Variants in SEMA5B observed in about 807,000 individuals in gnomAD.
The protein encoded by SEMA5B is semaphorin-5B.
SEMA5B carries 66 observed loss-of-function variants against 135.0 expected under a neutral mutation model. That is an observed-to-expected ratio of 0.49 (90% CI 0.40 to 0.60). The LOEUF is 0.60. Ranked by LOEUF, SEMA5B falls within the 20% of genes least tolerant of loss-of-function variation. SEMA5B has a pLI of 0.00. For synonymous variants in SEMA5B, 690 were observed against 639.5 expected, an observed-to-expected ratio of 1.08 and a Z score of -1.19; for missense variants, 1,501 against 1,566.3, an observed-to-expected ratio of 0.96 and a Z score of 0.70.
In SEMA5B at chr3:122,923,602, G is replaced by C; in HGVS notation, c.1272+15C>G. On this transcript the variant is annotated intron_variant, in intron 10 of 22. Coordinates refer to ENST00000357599, the MANE Select transcript of SEMA5B (RefSeq NM_001031702.4). The stretch of plus-strand genomic sequence containing the variant: ...GCAGTGTGTGAAGACAGGGAAAGAG[G>C]AGGAGATTCTGTACCTGGAAATTGG... 1 of 1,613,894 alleles carries C rather than the reference G, an allele frequency of 6.2e-7. No individual in the cohort carries two copies. Among genetic ancestry groups the C allele is most frequent in the Non-Finnish European group, 8.5e-7 (1 of 1,179,900 alleles).
intron 1 of SEMA5B, among the ~76,000 whole-genome samples, chr3:123,026,709 T>A (rs1028002331): frequency 1.3e-5 from 2 of 152,164 alleles, no homozygotes; most frequent in Admixed American, 1.3e-4. Context: ...CCGCAGGACG[T>A]GAGCGGAAAG....
intron 2 of SEMA5B, among the ~76,000 whole-genome samples, chr3:122,952,297 A>T (rs145160604): frequency 6.6e-6 from 1 of 152,196 alleles, no homozygotes; most frequent in East Asian, 1.9e-4. Flanking sequence ...CCATCCTTGG[A>T]GCCCACCAAC....
rs763518104 is a variant in SEMA5B at position 122,910,103 on chromosome 3, C to T, written c.*40G>A. The T allele has an allele frequency of 3.1e-6, 5 of 1,603,690 alleles. No individual in the cohort carries two copies. The African/African-American group carries it at 6.7e-5, about 21-fold the overall frequency. On this transcript the variant is annotated 3_prime_UTR_variant, in exon 23 of 23. Transcript: ENST00000357599. The stretch of plus-strand genomic sequence containing the variant: ...TGTCCCATCTCCATCTGCTCTGTGC[C>T]TTATGAAGGCAAGAAGCCCAAGTCC...
chr3:122,916,005 A>G (rs1226203193), intron 12 of SEMA5B, 115 bp from the exon 13 acceptor site: 2 of 744,632 alleles, frequency 2.7e-6, no homozygotes, highest in African/African-American at 1.7e-5. Flanking sequence ...TTTGTCCTCC[A>G]TGATAATAAT....
chr3:122,981,291 GCC>G (rs60805163), intron 1 of SEMA5B, among the ~76,000 whole-genome samples: 4 of 151,848 alleles, frequency 2.6e-5, no homozygotes, highest in Admixed American at 2.6e-4. Context: ...CTTGTGTTGG[GCC>G]CCTGTGCCAC....
chr3:122,913,474 GCCCTCCCCTCGGCTCCAGTA>G (rs1560281718), intron 16 of SEMA5B, 40 bp downstream of exon 16: 6 of 1,566,842 alleles, frequency 3.8e-6, no homozygotes, highest in Non-Finnish European at 5.2e-6. Flanking sequence ...CTCCAGGCCC[GCCCTCCCCTCGGCTCCAGTA>G]CCCTACACCG....
chr3:123,026,844 C>A (rs757564916), intron 1 of SEMA5B, among the ~76,000 whole-genome samples: 1 of 152,250 alleles, frequency 6.6e-6, no homozygotes, highest in Non-Finnish European at 1.5e-5. Flanking sequence ...AGTGCGGGGC[C>A]CTGAGCCACT....
Position 122,913,297 on chromosome 3 carries a change from C to T in SEMA5B, c.2408G>A (p.Arg803His). 1 of 1,580,022 alleles carries T rather than the reference C, an allele frequency of 6.3e-7. No homozygotes were observed. Among genetic ancestry groups the T allele is most frequent in the South Asian group, 1.1e-5 (1 of 88,030 alleles). ...RQEQRFRFTC[R>H]APLADPHGLQ... ...GCCGTGCGGGTCTGCAAGGGGCGCG[C>T]GGCAGGTGAAGCGGAACCGCTGCTC... The change falls in exon 17 of 23, where the codon CGC (arginine) becomes CAC (histidine). Residue 803 changes from arginine (R) to histidine (H), a missense_variant. Arg to His is a conservative substitution (Grantham distance 29, BLOSUM62 0). Coordinates refer to ENST00000357599, the MANE Select transcript of SEMA5B (RefSeq NM_001031702.4).
rs189512394 is a variant in SEMA5B, at chr3:122,977,579, C to A, written c.-38-16278G>T. On this transcript the variant is annotated intron_variant, in intron 1 of 22. Transcript: ENST00000357599. ...CAACAGGGACTACAGCTCTACCTAG[C>A]CAGCCTCTCATGCTCCTAGGATTTA... Among the ~76,000 whole-genome samples, 402 of 152,310 alleles carry A rather than the reference C, an allele frequency of 2.6e-3. 2 individuals are homozygous for A. The highest frequency in any genetic ancestry group is 9.3e-3 in the African/African-American group (387 of 41,552).
At position 122,923,662 on chromosome 3, in the gene SEMA5B, G is replaced by A; in HGVS notation, c.1227C>T (p.Pro409=). The change falls in exon 10 of 23, where the codon CCC becomes CCT. Residue 409 remains proline, a synonymous_variant. Coordinates refer to ENST00000357599, the MANE Select transcript of SEMA5B (RefSeq NM_001031702.4). ...FNGPFRYQEN[P]RAAWLPIANP... ...TGGCTATGGGGAGCCAGGCAGCCCT[G>A]GGGTTCTCCTGGTAGCGAAATGGGC... 1.9e-6 allele frequency: 3 copies of A among 1,614,086 alleles called. No individual in the cohort carries two copies. The highest frequency in any genetic ancestry group is 2.5e-6 in the Non-Finnish European group (3 of 1,179,944).
intron 1 of SEMA5B, among the ~76,000 whole-genome samples, chr3:123,012,659 G>A (rs1942463588): frequency 2.6e-5 from 4 of 152,212 alleles, no homozygotes; most frequent in Admixed American, 1.3e-4. Flanking sequence ...TTAATTAGGT[G>A]TGCAGCCATC....
intron 1 of SEMA5B, among the ~76,000 whole-genome samples, chr3:122,984,843 AG>A (rs950439887): frequency 2.0e-5 from 3 of 152,246 alleles, no homozygotes; most frequent in African/African-American, 7.2e-5. Context: ...GCAATTCCCC[AG>A]GGACACAACT....
intron 5 of SEMA5B, 116 bp downstream of exon 5, chr3:122,939,309 T>C: frequency 1.3e-6 from 1 of 797,798 alleles, no homozygotes; most frequent in Non-Finnish European, 2.2e-6. Context: ...AAAGAACAAG[T>C]GGCTCCTGTT....
chr3:123,021,771 C>G lies in SEMA5B; in HGVS notation c.-39+5693G>C, dbSNP rs190835561. The stretch of plus-strand genomic sequence containing the variant: ...TTAATCCAATGGTCAGCCGGTAACA[C>G]ACAGATTTGGAATACCTTTCATCTA... On this transcript the variant is annotated intron_variant, in intron 1 of 22. Transcript: ENST00000357599. 3.1e-4 allele frequency among the ~76,000 whole-genome samples: 47 copies of G among 152,328 alleles called. No homozygotes were observed. In the East Asian group the frequency reaches 8.9e-3, roughly 29 times the overall value.
intron 2 of SEMA5B, among the ~76,000 whole-genome samples, chr3:122,956,856 T>C (rs1259058716): frequency 6.6e-6 from 1 of 152,056 alleles, no homozygotes; most frequent in African/African-American, 2.4e-5. Flanking sequence ...AAAAACGTCC[T>C]GGGAAAGCGG....
intron 1 of SEMA5B, among the ~76,000 whole-genome samples, chr3:123,019,617 G>A (rs1560452067): frequency 6.6e-6 from 1 of 152,090 alleles, no homozygotes; most frequent in Non-Finnish European, 1.5e-5. Flanking sequence ...TTTTTTAAAT[G>A]TGTACATAAG....
chr3:122,979,308 T>G (rs1941443141), intron 1 of SEMA5B, among the ~76,000 whole-genome samples: 1 of 152,162 alleles, frequency 6.6e-6, no homozygotes, highest in African/African-American at 2.4e-5. Flanking sequence ...CCTTGGTGTC[T>G]CCAGGAAGAA....
At chr3:122,971,380 T>C (rs575136222) in intron 1 of SEMA5B, among the ~76,000 whole-genome samples, 1 of 152,378 alleles carries the variant, frequency 6.6e-6, no homozygotes, top group East Asian at 1.9e-4. Flanking sequence ...AAAGGGACTA[T>C]GGGAATCTTT....
chr3:122,916,007 G>A lies in SEMA5B; in HGVS notation c.1689-117C>T, dbSNP rs1014911851. ...CACTTTCCATCCATTTGTCCTCCAT[G>A]ATAATAATGAAGTTCATTGGGCCTT... On this transcript the variant is annotated intron_variant, in intron 12 of 22. Coordinates refer to ENST00000357599, the MANE Select transcript of SEMA5B (RefSeq NM_001031702.4). The A allele has an allele frequency of 6.7e-6, 5 of 744,794 alleles. No homozygotes were observed. In the African/African-American group the frequency reaches 8.6e-5, roughly 13 times the overall value. 46.1% of individuals were successfully genotyped at this position (744,794 alleles called of 1,614,324 possible).
Sources: allele counts gnomAD v4.1 joint callset (sites outside exome capture counted in the v4.1 genomes callset), GRCh38; gene constraint gnomAD v4.1.1; transcripts MANE v1.5; gene names NCBI Gene and HGNC (gene_info 2026-07-23, HGNC 2026-07-21).